CYP19A1: variants seen among roughly 807,000 people sequenced by gnomAD.
CYP19A1 encodes the protein cytochrome P450 family 19 subfamily A member 1.
A neutral mutation model predicts 44.4 loss-of-function variants in CYP19A1; 32 were observed. The ratio of observed to expected loss-of-function variants is 0.72; its 90% confidence interval spans 0.54 to 0.97. The LOEUF is 0.97. CYP19A1 is among the 50% of genes least tolerant of loss of function. The pLI is 0.00. For missense variants in CYP19A1, 598 were observed against 637.8 expected, an observed-to-expected ratio of 0.94 and a Z score of 0.67; for synonymous variants, 212 against 215.6, an observed-to-expected ratio of 0.98 and a Z score of 0.14.
intron 1 of CYP19A1, among the ~76,000 whole-genome samples, chr15:51,251,504 C>T (rs1195078842): frequency 1.3e-5 from 2 of 152,216 alleles, no homozygotes; most frequent in Non-Finnish European, 2.9e-5. Context: ...AGGACTCACA[C>T]CTCGCTTTTC....
intron 1 of CYP19A1, among the ~76,000 whole-genome samples, chr15:51,284,404 A>G (rs2035630873): frequency 6.6e-6 from 1 of 152,326 alleles, no homozygotes; most frequent in East Asian, 1.9e-4. Flanking sequence ...ACCGCCTCAG[A>G]GGTTTTTCAC....
At chr15:51,319,894 TG>T in intron 1 of CYP19A1, among the ~76,000 whole-genome samples, 1 of 152,346 alleles carries the variant, frequency 6.6e-6, no homozygotes, top group Admixed American at 6.5e-5. Flanking sequence ...TGTCTGCCAA[TG>T]GAAATTATAA....
At chr15:51,264,172 A>T (rs2140940609) in intron 1 of CYP19A1, among the ~76,000 whole-genome samples, 1 of 152,222 alleles carries the variant, frequency 6.6e-6, no homozygotes, top group African/African-American at 2.4e-5. Flanking sequence ...TGAGCAAGGG[A>T]GCTGGAGGGT....
intron 1 of CYP19A1, among the ~76,000 whole-genome samples, chr15:51,338,131 C>T (rs1206467669): frequency 1.3e-5 from 2 of 152,140 alleles, no homozygotes; most frequent in Non-Finnish European, 2.9e-5. Context: ...TGGATCTGGG[C>T]TCTGAACTGG....
intron 1 of CYP19A1, among the ~76,000 whole-genome samples, chr15:51,314,680 G>A (rs1258673251): frequency 1.3e-5 from 2 of 152,180 alleles, no homozygotes; most frequent in Non-Finnish European, 1.5e-5. Flanking sequence ...TCCTACCCAT[G>A]TCGGAGACCC....
chr15:51,333,371 G>A (rs143410905), intron 1 of CYP19A1, among the ~76,000 whole-genome samples: 1 of 152,196 alleles, frequency 6.6e-6, no homozygotes, highest in African/African-American at 2.4e-5. Flanking sequence ...AGTAGAGATA[G>A]ACTCAGCACA....
chr15:51,304,067 C>T (rs1012525043), intron 1 of CYP19A1, among the ~76,000 whole-genome samples: 6 of 152,162 alleles, frequency 3.9e-5, no homozygotes, highest in South Asian at 2.1e-4. Context: ...GAAAAATAGA[C>T]GATCAGGGAG....
intron 5 of CYP19A1, 99 bp downstream of exon 5, chr15:51,222,250 G>A: frequency 6.3e-7 from 1 of 1,595,874 alleles, no homozygotes. Flanking sequence ...CAAGAGCAAT[G>A]TAGAAAATGG....
At chr15:51,214,635 G>A (rs938667125) in intron 8 of CYP19A1, among the ~76,000 whole-genome samples, 6 of 152,228 alleles carry the variant, frequency 3.9e-5, no homozygotes, top group Non-Finnish European at 7.3e-5. Context: ...AACTGACAAG[G>A]TAGGCAGAAC....
At position 51,211,060 on chromosome 15, in the gene CYP19A1, T is replaced by A. The variant is rs976122972; in HGVS notation, c.1264-4A>T. 3 of 1,573,640 alleles carry A rather than the reference T, an allele frequency of 1.9e-6. No individual in the cohort carries two copies. The highest frequency in any genetic ancestry group is 2.6e-6 in the Non-Finnish European group (3 of 1,143,370). The stretch of plus-strand genomic sequence containing the variant: ...GCTGAAAGTACCTATAAGGAACCTA[T>A]GAAAATGATCAGACAGTTAGCCAGA... On this transcript the variant is annotated splice_region_variant and splice_polypyrimidine_tract_variant and intron_variant, in intron 9 of 9. Coordinates refer to ENST00000396402, the MANE Select transcript of CYP19A1 (RefSeq NM_000103.4).
chr15:51,265,979 A>G (rs1047737235), intron 1 of CYP19A1, among the ~76,000 whole-genome samples: 1 of 152,252 alleles, frequency 6.6e-6, no homozygotes, highest in African/African-American at 2.4e-5. Flanking sequence ...TGATAGCTCC[A>G]GAAACATAGC....
At chr15:51,275,319 A>C (rs562248707) in intron 1 of CYP19A1, among the ~76,000 whole-genome samples, 75 of 152,322 alleles carry the variant, frequency 4.9e-4, no homozygotes, top group South Asian at 8.3e-4. Context: ...CACTCCACCC[A>C]ACAGAACCAG....
At chr15:51,314,816 G>A (rs1566923288) in intron 1 of CYP19A1, among the ~76,000 whole-genome samples, 1 of 152,154 alleles carries the variant, frequency 6.6e-6, no homozygotes, top group Non-Finnish European at 1.5e-5. Context: ...GCTTTTGTTT[G>A]TCAGCCTCTG....
At chr15:51,308,651 T>G (rs2036257038) in intron 1 of CYP19A1, among the ~76,000 whole-genome samples, 1 of 152,114 alleles carries the variant, frequency 6.6e-6, no homozygotes, top group African/African-American at 2.4e-5. Flanking sequence ...GAGGTACATA[T>G]TCAGACCCCA....
At chr15:51,276,007 A>G (rs17647719) in intron 1 of CYP19A1, among the ~76,000 whole-genome samples, 22,257 of 152,184 alleles carry the variant, frequency 0.15, 2,795 homozygotes, top group African/African-American at 0.33. Flanking sequence ...CTAAATGAAG[A>G]TTATGATGGA....
intron 1 of CYP19A1, among the ~76,000 whole-genome samples, chr15:51,257,663 A>G (rs926702146): frequency 6.6e-6 from 1 of 152,198 alleles, no homozygotes; most frequent in African/African-American, 2.4e-5. Flanking sequence ...TCCAGGATCA[A>G]TCCCACACAG....
intron 3 of CYP19A1, among the ~76,000 whole-genome samples, chr15:51,234,222 C>T (rs181045563): frequency 1.3e-5 from 2 of 152,254 alleles, no homozygotes; most frequent in African/African-American, 2.4e-5. Flanking sequence ...TGTCCTATTC[C>T]CGCGGGGAGC....
At chr15:51,282,027 G>T (rs2035535807) in intron 1 of CYP19A1, among the ~76,000 whole-genome samples, 1 of 152,194 alleles carries the variant, frequency 6.6e-6, no homozygotes, top group Non-Finnish European at 1.5e-5. Flanking sequence ...AACCAAGCTT[G>T]CCCCTTGTTG....
chr15:51,297,390 G>A (rs997404627), intron 1 of CYP19A1, among the ~76,000 whole-genome samples: 2 of 152,156 alleles, frequency 1.3e-5, no homozygotes, highest in Non-Finnish European at 2.9e-5. Context: ...TAGGTCCACC[G>A]GGGGAGACAG....
Sources: allele counts gnomAD v4.1 joint callset (sites outside exome capture counted in the v4.1 genomes callset), GRCh38; gene constraint gnomAD v4.1.1; transcripts MANE v1.5; gene names NCBI Gene and HGNC (gene_info 2026-07-23, HGNC 2026-07-21).